Variants in PRKAR1B observed in about 807,000 individuals in gnomAD.
PRKAR1B encodes the protein cAMP-dependent protein kinase type I-beta regulatory subunit.
In PRKAR1B, 22 loss-of-function variants were observed where a neutral mutation model predicts 46.5. That is an observed-to-expected ratio of 0.47 (90% CI 0.34 to 0.68). The LOEUF (loss-of-function observed/expected upper bound fraction) is 0.68. Ranked by LOEUF, PRKAR1B falls within the 30% of genes least tolerant of loss-of-function variation. The pLI, the probability that PRKAR1B is intolerant of heterozygous loss-of-function variation, is 0.01. For synonymous variants in PRKAR1B, 259 were observed against 217.7 expected, an observed-to-expected ratio of 1.19 and a Z score of -1.67; for missense variants, 445 against 535.6, an observed-to-expected ratio of 0.83 and a Z score of 1.67.
At chr7:723,239 G>A (rs143546803) in intron 1 of PRKAR1B, among the ~76,000 whole-genome samples, 15 of 152,256 alleles carry the variant, frequency 9.9e-5, no homozygotes, top group Admixed American at 2.0e-4. Flanking sequence ...CTTTAAAATC[G>A]GCCCTGAAAG....
chr7:581,302 C>CA (rs758386135), intron 8 of PRKAR1B, among the ~76,000 whole-genome samples: 3,324 of 102,500 alleles, frequency 0.032, 145 homozygotes, highest in African/African-American at 0.093. Flanking sequence ...CACTCTGTCT[C>CA]AAAAAAAAAA....
chr7:679,311 A>T (rs1053751053), intron 3 of PRKAR1B, among the ~76,000 whole-genome samples: 2 of 151,892 alleles, frequency 1.3e-5, no homozygotes, highest in African/African-American at 4.8e-5. Flanking sequence ...CTGTCCCAGG[A>T]CCCCGTCCTG....
intron 4 of PRKAR1B, among the ~76,000 whole-genome samples, chr7:634,468 A>G (rs1454501058): frequency 6.6e-6 from 1 of 151,874 alleles, no homozygotes; most frequent in Non-Finnish European, 1.5e-5. Flanking sequence ...ACAGAGCAAG[A>G]CCCTGTCTCC....
rs2128486417 is a variant in PRKAR1B at position 644,066 on chromosome 7, C to T, written c.440+33163G>A. ...GCTACGAAGCTAGGGGCGGCTGCTA[C>T]ACGGCCCACTACACTAAGCCCTAAG... is the stretch of plus-strand genomic sequence containing the variant. On this transcript the variant is annotated intron_variant, in intron 4 of 10. Transcript: ENST00000537384. This position sits in a 1 kb window ranked among gnomAD's most constrained non-coding sequence, Gnocchi z 4.9. 6.6e-6 allele frequency among the ~76,000 whole-genome samples: 1 copy of T among 152,246 alleles called. No individual in the cohort carries two copies. The highest frequency in any genetic ancestry group is 3.4e-3 in the Middle Eastern group (1 of 294).
intron 9 of PRKAR1B, among the ~76,000 whole-genome samples, chr7:567,536 T>TCACCTTC: frequency 7.4e-6 from 1 of 135,096 alleles, no homozygotes; most frequent in Non-Finnish European, 1.6e-5. Flanking sequence ...CCATCATCAC[T>TCACCTTC]ATCACCATCA....
At chr7:716,746 C>G (rs972362705) in intron 1 of PRKAR1B, 1 of 152,172 alleles carries the variant, frequency 6.6e-6, no homozygotes, top group African/African-American at 2.4e-5. Flanking sequence ...TGCAGCATGT[C>G]GTGGTTTGAG....
intron 1 of PRKAR1B, among the ~76,000 whole-genome samples, chr7:722,002 T>C (rs1426007466): frequency 6.6e-6 from 1 of 152,048 alleles, no homozygotes; most frequent in African/African-American, 2.4e-5. Flanking sequence ...TGTGTCTTAG[T>C]ATGGGGTTTT....
intron 9 of PRKAR1B, among the ~76,000 whole-genome samples, chr7:551,742 C>A (rs1784221935): frequency 6.8e-6 from 1 of 148,062 alleles, no homozygotes; most frequent in African/African-American, 2.5e-5. Flanking sequence ...ACCATGTCAC[C>A]ACCCAAACCC....
intron 4 of PRKAR1B, among the ~76,000 whole-genome samples, chr7:631,012 G>GCACA (rs942139595): frequency 5.3e-5 from 8 of 151,540 alleles, no homozygotes; most frequent in African/African-American, 1.9e-4. Context: ...GAGTGCAGTG[G>GCACA]CACAATCTTG....
chr7:561,590 C>T (rs1481677481), intron 9 of PRKAR1B, among the ~76,000 whole-genome samples: 2 of 152,208 alleles, frequency 1.3e-5, no homozygotes, highest in African/African-American at 2.4e-5. Context: ...GCCACTTCCC[C>T]GCAATCATCC....
chr7:680,633 C>A lies in PRKAR1B; in HGVS notation c.271G>T (p.Val91Leu). 1 of 1,613,406 alleles carries A rather than the reference C, an allele frequency of 6.2e-7. No homozygotes were observed. Among genetic ancestry groups the A allele is most frequent in the South Asian group, 1.1e-5 (1 of 91,064 alleles). ...EVSPTPPNPV[V>L]KARRRRGGVS... ...CCTCCTCGCCGGCGGCGGGCCTTCACCACAGGGTTCGGGGGGGTGGGCGAC... is the reference window on the plus strand; with the variant it reads ...CCTCCTCGCCGGCGGCGGGCCTTCAACACAGGGTTCGGGGGGGTGGGCGAC... The change falls in exon 3 of 11, where the codon GTG (valine) becomes TTG (leucine). Residue 91 changes from valine (V) to leucine (L), a missense_variant. By Grantham distance (32) the Val-to-Leu change is conservative. This residue lies in a region of PRKAR1B where 155 missense variants were observed against 127.5 expected (regional missense o/e 1.22). Coordinates refer to ENST00000537384, the MANE Select transcript of PRKAR1B (RefSeq NM_001164760.2).
At chr7:598,787 G>A (rs970608554) in intron 6 of PRKAR1B, among the ~76,000 whole-genome samples, 5 of 152,208 alleles carry the variant, frequency 3.3e-5, no homozygotes, top group Non-Finnish European at 7.3e-5. Flanking sequence ...CCAGGGAGGC[G>A]GGTAACATCT....
Position 557,390 on chromosome 7 carries a change from C to T in PRKAR1B, c.892-5920G>A, listed in dbSNP as rs529888298. On this transcript the variant is annotated intron_variant, in intron 9 of 10. Coordinates refer to ENST00000537384, the MANE Select transcript of PRKAR1B (RefSeq NM_001164760.2). ...GGAGACATTTCTCCGTTCTTTCCAC[C>T]GCACTGTTGCAGGGACTGTTTGTTA... is the stretch of plus-strand genomic sequence containing the variant. Among the ~76,000 whole-genome samples, 9 of 152,368 alleles carry T rather than the reference C, an allele frequency of 5.9e-5. No individual in the cohort carries two copies. In the East Asian group the frequency reaches 7.7e-4, roughly 13 times the overall value.
At chr7:621,790 G>A (rs1385055914) in intron 4 of PRKAR1B, among the ~76,000 whole-genome samples, 2 of 152,060 alleles carry the variant, frequency 1.3e-5, no homozygotes, top group African/African-American at 4.8e-5. Flanking sequence ...CTGTAAAATG[G>A]GCACAGTAAC....
intron 9 of PRKAR1B, among the ~76,000 whole-genome samples, chr7:559,999 T>TG (rs1398331757): frequency 6.6e-6 from 1 of 152,114 alleles, no homozygotes; most frequent in Admixed American, 6.6e-5. Flanking sequence ...GCCCAGGAGT[T>TG]GGAGACCAGC....
chr7:564,000 T>C lies in PRKAR1B; in HGVS notation c.892-12530A>G, dbSNP rs1778983349. 2.6e-5 allele frequency among the ~76,000 whole-genome samples: 4 copies of C among 152,154 alleles called. No individual in the cohort carries two copies. In the South Asian group the frequency reaches 8.3e-4, roughly 32 times the overall value. Reference sequence around the variant, plus strand: ...AAAGCACTTTCCAGCCTGGCCCGGCTCCAGCCTCCTCCATTGACAATTCAG... The same window carrying C: ...AAAGCACTTTCCAGCCTGGCCCGGCCCCAGCCTCCTCCATTGACAATTCAG... On this transcript the variant is annotated intron_variant, in intron 9 of 10. Transcript: ENST00000537384.
rs1270925857 is a variant in PRKAR1B, at chr7:693,254, T to A, written c.178-12528A>T. 9.5e-5 allele frequency among the ~76,000 whole-genome samples: 14 copies of A among 146,992 alleles called. No individual in the cohort carries two copies. In the East Asian group the frequency reaches 2.2e-3, roughly 23 times the overall value. ...CCTGTCGAGCTTTTTTTTTTTTTTTTAATTGAGGTAAAAGTCACATAACTT... is the reference window on the plus strand; with the variant it reads ...CCTGTCGAGCTTTTTTTTTTTTTTTAAATTGAGGTAAAAGTCACATAACTT... On this transcript the variant is annotated intron_variant, in intron 2 of 10. Transcript: ENST00000537384.
Position 635,501 on chromosome 7 carries a change from C to T in PRKAR1B, c.441-28049G>A, listed in dbSNP as rs1783995929. ...CGTCCCCAACACTGACTCCACAGTC[C>T]TCTCCTGGCAGACGCACAGCTGGGA... is the stretch of plus-strand genomic sequence containing the variant. On this transcript the variant is annotated intron_variant, in intron 4 of 10. Coordinates refer to ENST00000537384, the MANE Select transcript of PRKAR1B (RefSeq NM_001164760.2). Among the ~76,000 whole-genome samples, 3 of 152,184 alleles carry T rather than the reference C, an allele frequency of 2.0e-5. No homozygotes were observed. In the South Asian group the frequency reaches 6.2e-4, roughly 31 times the overall value.
At chr7:662,454 T>C (rs1223627979) in intron 4 of PRKAR1B, among the ~76,000 whole-genome samples, 15 of 49,316 alleles carry the variant, frequency 3.0e-4, no homozygotes, top group African/African-American at 3.5e-4. Context: ...TGCCACAAGT[T>C]CCCCACCCCA....
Sources: gnomAD v4.1 joint callset for allele counts (sites outside exome capture counted in the v4.1 genomes callset) on GRCh38, gnomAD v4.1.1 for gene constraint, gnomAD v4.1.1 regional missense constraint, Gnocchi (gnomAD v3.1) non-coding constraint, MANE v1.5 for transcripts, NCBI Gene and HGNC (gene_info 2026-07-23, HGNC 2026-07-21) for gene names.